DACH1: variants seen among roughly 807,000 people sequenced by gnomAD.
The protein encoded by DACH1 is dachshund homolog 1.
A neutral mutation model predicts 54.2 loss-of-function variants in DACH1; 12 were observed. The ratio of observed to expected loss-of-function variants is 0.22; its 90% confidence interval spans 0.14 to 0.36. The LOEUF (loss-of-function observed/expected upper bound fraction) is 0.36, where lower values mean the gene tolerates loss of function less well. Ranked by LOEUF, DACH1 falls within the 10% of genes least tolerant of loss-of-function variation. The pLI is 1.00. For missense variants in DACH1, 805 were observed against 929.8 expected (o/e 0.87, Z 1.75); for synonymous variants, 386 against 366.2 (o/e 1.05, Z -0.62).
At chr13:71,598,562 T>C (rs998650331) in intron 3 of DACH1, among the ~76,000 whole-genome samples, 7 of 152,178 alleles carry the variant, frequency 4.6e-5, no homozygotes, top group African/African-American at 1.7e-4. Context: ...CTGACGCTTA[T>C]TTTTTGATTC....
intron 1 of DACH1, among the ~76,000 whole-genome samples, chr13:71,850,124 T>A (rs1336731481): frequency 1.3e-5 from 2 of 152,210 alleles, no homozygotes; most frequent in Admixed American, 6.5e-5. Context: ...GATCTACAGC[T>A]CTCATAGGTA....
chr13:71,649,230 T>C (rs1878505613), intron 2 of DACH1, among the ~76,000 whole-genome samples: 1 of 152,156 alleles, frequency 6.6e-6, no homozygotes, highest in African/African-American at 2.4e-5. Flanking sequence ...CCTAGGTATG[T>C]AGTAAGCTAT....
At position 71,866,905 on chromosome 13, in the gene DACH1, G is replaced by A. The variant is rs1273771615; in HGVS notation, c.-136C>T. On this transcript the variant is annotated 5_prime_UTR_variant, in exon 1 of 11. Coordinates refer to ENST00000613252, the MANE Select transcript of DACH1 (RefSeq NM_080759.6). ...CAACTCCGGGAGAGAACGAGAAGGA[G>A]AAAGGGAGAGAAGGGGGAGAAAAGG... 7 of 632,908 alleles carry A rather than the reference G, an allele frequency of 1.1e-5. No homozygotes were observed. The highest frequency in any genetic ancestry group is 1.6e-5 in the Non-Finnish European group (7 of 446,514). 39.2% of individuals were successfully genotyped at this position (632,908 alleles called of 1,614,324 possible). A position where few individuals can be genotyped will look rare whatever the true frequency, so the allele number is the denominator to read the frequency against.
At chr13:71,514,621 C>A (rs1364775002) in intron 6 of DACH1, among the ~76,000 whole-genome samples, 7 of 151,542 alleles carry the variant, frequency 4.6e-5, no homozygotes, top group Non-Finnish European at 7.4e-5. Context: ...AATTACTATT[C>A]CAAGGACTTA....
At chr13:71,833,149 G>C (rs1045617287) in intron 1 of DACH1, among the ~76,000 whole-genome samples, 1 of 151,808 alleles carries the variant, frequency 6.6e-6, no homozygotes, top group African/African-American at 2.4e-5. Context: ...AAGAATCCTA[G>C]TGCATCAGAT....
chr13:71,651,737 T>A (rs977345483), intron 2 of DACH1, among the ~76,000 whole-genome samples: 4 of 152,090 alleles, frequency 2.6e-5, no homozygotes, highest in African/African-American at 9.7e-5. Context: ...TGTATATATA[T>A]GTGTGCATAT....
Position 71,675,016 on chromosome 13 carries a change from C to T in DACH1, c.964+6779G>A, listed in dbSNP as rs1198075404. On this transcript the variant is annotated intron_variant, in intron 2 of 10. Transcript: ENST00000613252. Reference sequence around the variant, plus strand: ...AACGCCAGCGCCGCCTCTCGCTCGCCGAGCTCCAGCCGAAGAGAAGGGGGG... The same window carrying T: ...AACGCCAGCGCCGCCTCTCGCTCGCTGAGCTCCAGCCGAAGAGAAGGGGGG... 5.4e-5 allele frequency: 34 copies of T among 625,310 alleles called. No homozygotes were observed. The East Asian group carries it at 9.6e-4, about 18-fold the overall frequency. The allele number at this position is 625,310 out of a possible 1,614,324, so 38.7% of individuals were successfully genotyped here.
intron 1 of DACH1, among the ~76,000 whole-genome samples, chr13:71,783,380 G>A (rs1201096342): frequency 6.6e-6 from 1 of 152,082 alleles, no homozygotes; most frequent in East Asian, 1.9e-4. Context: ...AAAAGAAAGA[G>A]ATGAAATTTA....
rs529563881 is a variant in DACH1 at position 71,512,613 on chromosome 13, T to A, written c.1571-23465A>T. ...ATAATTTTGGCCTTTAATAAACTTT[T>A]CTTGGATCTCAAAGTGTTCAATATA... On this transcript the variant is annotated intron_variant, in intron 6 of 10. Transcript: ENST00000613252. Among the ~76,000 whole-genome samples the A allele has an allele frequency of 2.0e-5, 3 of 152,046 alleles. No individual in the cohort carries two copies. In the South Asian group the frequency reaches 6.2e-4, roughly 31 times the overall value.
chr13:71,713,909 G>A (rs1211539514), intron 1 of DACH1, among the ~76,000 whole-genome samples: 1 of 151,866 alleles, frequency 6.6e-6, no homozygotes. Context: ...TTCAGATTCA[G>A]CCTTTTTACC....
chr13:71,836,372 C>T (rs1029260429), intron 1 of DACH1, among the ~76,000 whole-genome samples: 1 of 152,054 alleles, frequency 6.6e-6, no homozygotes, highest in African/African-American at 2.4e-5. Flanking sequence ...TTTAATGTCA[C>T]CCAAGATTAT....
chr13:71,664,987 C>A (rs7988993), intron 2 of DACH1, among the ~76,000 whole-genome samples: 125 of 151,912 alleles, frequency 8.2e-4, no homozygotes, highest in African/African-American at 2.9e-3. Context: ...AATAATAACA[C>A]AGAGATTTAC....
chr13:71,524,338 A>C (rs1382217942), intron 6 of DACH1, among the ~76,000 whole-genome samples: 1 of 152,164 alleles, frequency 6.6e-6, no homozygotes, highest in Non-Finnish European at 1.5e-5. Context: ...TAACTTTAAA[A>C]ATAATTTATG....
At chr13:71,506,607 A>G (rs1188642476) in intron 6 of DACH1, among the ~76,000 whole-genome samples, 1 of 152,004 alleles carries the variant, frequency 6.6e-6, no homozygotes, top group Non-Finnish European at 1.5e-5. Context: ...AGTCAATCCT[A>G]AGCCAAAAGA....
chr13:71,692,565 C>T (rs1466364617), intron 1 of DACH1, among the ~76,000 whole-genome samples: 4 of 114,702 alleles, frequency 3.5e-5, no homozygotes, highest in African/African-American at 1.0e-4. Context: ...TGTCACCACC[C>T]AGGCTGGAGT....
At chr13:71,618,698 A>G (rs911618645) in intron 3 of DACH1, among the ~76,000 whole-genome samples, 1 of 151,896 alleles carries the variant, frequency 6.6e-6, no homozygotes, top group South Asian at 2.1e-4. Context: ...ATAATGTATA[A>G]ATGACTGCTC....
At chr13:71,616,078 A>T (rs973288273) in intron 3 of DACH1, among the ~76,000 whole-genome samples, 4 of 152,118 alleles carry the variant, frequency 2.6e-5, no homozygotes, top group Admixed American at 1.3e-4. Flanking sequence ...ACAAACAAAA[A>T]AGTCATGTTT....
chr13:71,631,553 A>G (rs1041152796), intron 2 of DACH1, among the ~76,000 whole-genome samples: 1 of 152,184 alleles, frequency 6.6e-6, no homozygotes, highest in Non-Finnish European at 1.5e-5. Context: ...GAAAGCTAAC[A>G]CTTAGCTTCT....
At chr13:71,455,291 G>GAGAT (rs1335391353) in intron 10 of DACH1, among the ~76,000 whole-genome samples, 1 of 151,746 alleles carries the variant, frequency 6.6e-6, no homozygotes, top group Non-Finnish European at 1.5e-5. Context: ...TCCATATATA[G>GAGAT]AGATAGATAG....
Sources: gnomAD v4.1 joint callset for allele counts (sites outside exome capture counted in the v4.1 genomes callset) on GRCh38, gnomAD v4.1.1 for gene constraint, MANE v1.5 for transcripts, NCBI Gene and HGNC (gene_info 2026-07-23, HGNC 2026-07-21) for gene names.